IL1RAPL2: variants seen among roughly 807,000 people sequenced by gnomAD.
The protein encoded by IL1RAPL2 is X-linked interleukin-1 receptor accessory protein-like 2.
In IL1RAPL2, 3 loss-of-function variants were observed where a neutral mutation model predicts 44.1. That is an observed-to-expected ratio of 0.07 (90% CI 0.03 to 0.18). The LOEUF (loss-of-function observed/expected upper bound fraction) is 0.18. IL1RAPL2 is among the 10% of genes least tolerant of loss of function. The pLI is 1.00. For synonymous variants in IL1RAPL2, 181 were observed against 178.8 expected (o/e 1.01, Z -0.10); for missense variants, 391 against 496.4 (o/e 0.79, Z 2.02).
At chrX:105,092,720 C>A (rs2032558699) in intron 2 of IL1RAPL2, among the ~76,000 whole-genome samples, 1 of 111,173 alleles carries the variant, frequency 9.0e-6, no homozygotes, top group Non-Finnish European at 1.9e-5. Flanking sequence ...AAGGCCAGAC[C>A]TCTTTTGGAG....
At chrX:104,645,300 C>G (rs1394631541) in intron 1 of IL1RAPL2, among the ~76,000 whole-genome samples, 2 of 111,618 alleles carry the variant, frequency 1.8e-5, no homozygotes, top group Non-Finnish European at 3.8e-5. Context: ...CAATTTTTCA[C>G]TAACATCTAT....
At chrX:105,465,726 T>G (rs989727739) in intron 5 of IL1RAPL2, among the ~76,000 whole-genome samples, 8 of 111,643 alleles carry the variant, frequency 7.2e-5, no homozygotes, top group African/African-American at 2.6e-4. Context: ...TCCCACTTGG[T>G]AGATTGGTAG....
At chrX:104,630,442 C>T (rs902867233) in intron 1 of IL1RAPL2, among the ~76,000 whole-genome samples, 4 of 109,308 alleles carry the variant, frequency 3.7e-5, no homozygotes, top group South Asian at 7.8e-4. Flanking sequence ...CCACTGCGCC[C>T]GGCAGGCTGA....
In IL1RAPL2 at chrX:104,896,633, A is replaced by G. The variant is rs755914516; in HGVS notation, c.82+237638A>G. Among the ~76,000 whole-genome samples the G allele has an allele frequency of 4.5e-5, 5 of 111,830 alleles. No individual in the cohort carries two copies. The East Asian group carries it at 1.4e-3, about 32-fold the overall frequency. Reference sequence around the variant, plus strand: ...AATGCACCAAGCAGCACTCTGTAAAATGGACCAATCAGCAGGATGTGGGTG... The same window carrying G: ...AATGCACCAAGCAGCACTCTGTAAAGTGGACCAATCAGCAGGATGTGGGTG... On this transcript the variant is annotated intron_variant, in intron 2 of 10. Coordinates refer to ENST00000372582, the MANE Select transcript of IL1RAPL2 (RefSeq NM_017416.2).
At chrX:105,422,866 A>AAG (rs2035782806) in intron 5 of IL1RAPL2, among the ~76,000 whole-genome samples, 1 of 110,709 alleles carries the variant, frequency 9.0e-6, no homozygotes, top group African/African-American at 3.3e-5. Context: ...ACTTGTATTC[A>AAG]AGAGCACCTG....
intron 2 of IL1RAPL2, among the ~76,000 whole-genome samples, chrX:104,798,315 G>A (rs1932863536): frequency 9.1e-6 from 1 of 109,920 alleles, no homozygotes; most frequent in African/African-American, 3.3e-5. Flanking sequence ...GAGAACAGCT[G>A]GTTCAATTTA....
chrX:105,086,819 GTT>G (rs1277328236), intron 2 of IL1RAPL2, among the ~76,000 whole-genome samples: 1 of 109,877 alleles, frequency 9.1e-6, no homozygotes, highest in African/African-American at 3.3e-5. Context: ...TAAAATTTAA[GTT>G]TTAGTAGCCA....
intron 2 of IL1RAPL2, among the ~76,000 whole-genome samples, chrX:104,691,937 A>T (rs927088411): frequency 1.8e-5 from 2 of 111,379 alleles, no homozygotes; most frequent in East Asian, 5.7e-4. Flanking sequence ...CAAGCACCAG[A>T]TGGCTCTATT....
chrX:105,431,527 T>G, intron 5 of IL1RAPL2, among the ~76,000 whole-genome samples: 1 of 111,601 alleles, frequency 9.0e-6, no homozygotes, highest in Middle Eastern at 4.6e-3. Context: ...CTCTGATATT[T>G]CCAAATCTCC....
intron 2 of IL1RAPL2, among the ~76,000 whole-genome samples, chrX:104,798,500 TAAAA>T (rs397895099): frequency 1.1e-5 from 1 of 92,433 alleles, no homozygotes; most frequent in Non-Finnish European, 2.2e-5. Flanking sequence ...CTACTAAAAA[TAAAA>T]AAAAAAAAAA....
At chrX:105,745,175 C>G (rs1196190635) in intron 8 of IL1RAPL2, among the ~76,000 whole-genome samples, 1 of 111,751 alleles carries the variant, frequency 8.9e-6, no homozygotes, top group Admixed American at 9.5e-5. Context: ...CATATTTCTA[C>G]TAATATTCTG....
At chrX:104,792,049 T>C (rs1247884103) in intron 2 of IL1RAPL2, among the ~76,000 whole-genome samples, 2 of 111,218 alleles carry the variant, frequency 1.8e-5, no homozygotes, top group African/African-American at 6.5e-5. Context: ...AAGGCCCCTA[T>C]GGTCCTAGAA....
chrX:105,019,001 C>T (rs2031236928), intron 2 of IL1RAPL2, among the ~76,000 whole-genome samples: 1 of 111,679 alleles, frequency 9.0e-6, no homozygotes, highest in Non-Finnish European at 1.9e-5. Flanking sequence ...GTTGCTATGG[C>T]TGAGAAATTG....
chrX:105,516,443 CATCCAGGTATTGGGT>C (rs2036514974), intron 6 of IL1RAPL2, among the ~76,000 whole-genome samples: 1 of 111,815 alleles, frequency 8.9e-6, no homozygotes, highest in Admixed American at 9.5e-5. Context: ...AATCAGGTGT[CATCCAGGTATTGGGT>C]ATCCAGGATG....
In IL1RAPL2 at chrX:105,611,831, A is replaced by G. The variant is rs1052363148; in HGVS notation, c.773-105536A>G. Among the ~76,000 whole-genome samples, 17 of 112,164 alleles carry G rather than the reference A, an allele frequency of 1.5e-4. 1 individual carries two copies. Reference sequence around the variant, plus strand: ...TTGCTCAGCATAAAGTCTGAACTTTATCCATGTTTTTGTGTGTATCAGCAG... The same window carrying G: ...TTGCTCAGCATAAAGTCTGAACTTTGTCCATGTTTTTGTGTGTATCAGCAG... On this transcript the variant is annotated intron_variant, in intron 6 of 10. Coordinates refer to ENST00000372582, the MANE Select transcript of IL1RAPL2 (RefSeq NM_017416.2).
chrX:105,580,936 T>C (rs185594386), intron 6 of IL1RAPL2, among the ~76,000 whole-genome samples: 76 of 112,259 alleles, frequency 6.8e-4, no homozygotes, highest in Middle Eastern at 4.6e-3. Flanking sequence ...TACATTTGGC[T>C]TGGAAACACA....
At chrX:105,094,355 A>C in intron 2 of IL1RAPL2, among the ~76,000 whole-genome samples, 1 of 112,018 alleles carries the variant, frequency 8.9e-6, no homozygotes, top group Non-Finnish European at 1.9e-5. Flanking sequence ...AGATCCAATA[A>C]AATATTTTCA....
chrX:104,916,789 ATTTTGT>A (rs1924455131), intron 2 of IL1RAPL2, among the ~76,000 whole-genome samples: 2 of 111,234 alleles, frequency 1.8e-5, no homozygotes, highest in Non-Finnish European at 3.8e-5. Flanking sequence ...GGGTTGTTGA[ATTTTGT>A]CAAAGGCCTT....
intron 4 of IL1RAPL2, among the ~76,000 whole-genome samples, chrX:105,261,989 C>T (rs749098716): frequency 8.7e-4 from 97 of 111,662 alleles, no homozygotes; most frequent in Non-Finnish European, 1.4e-3. Flanking sequence ...TTTCTTCTTC[C>T]ACTTCAAAGG....
Sources: allele counts gnomAD v4.1 joint callset (sites outside exome capture counted in the v4.1 genomes callset), GRCh38; gene constraint gnomAD v4.1.1; transcripts MANE v1.5; gene names NCBI Gene and HGNC (gene_info 2026-07-23, HGNC 2026-07-21).